MTSS1: variants seen among roughly 807,000 people sequenced by gnomAD.
MTSS1 encodes the protein MTSS I-BAR domain containing 1.
A neutral mutation model predicts 79.0 loss-of-function variants in MTSS1; 18 were observed. That is an observed-to-expected ratio of 0.23 (90% CI 0.16 to 0.34). The LOEUF is 0.34. MTSS1 is among the 10% of genes least tolerant of loss of function. The pLI, the probability that MTSS1 is intolerant of heterozygous loss-of-function variation, is 1.00. For synonymous variants in MTSS1, 341 were observed against 368.6 expected (o/e 0.93, Z 0.86); for missense variants, 815 against 986.2 (o/e 0.83, Z 2.33).
rs1374802769 is a variant in MTSS1 at position 124,579,100 on chromosome 8, A to G, written c.460+5987T>C. Among the ~76,000 whole-genome samples the G allele has an allele frequency of 4.6e-5, 7 of 152,188 alleles. No homozygotes were observed. In the East Asian group the frequency reaches 1.3e-3, roughly 29 times the overall value. ...GATAAGCAGAATCTTTAGAACTTAC[A>G]AAGTCAAAAGGCTATACAGTTTCTT... is the stretch of plus-strand genomic sequence containing the variant. On this transcript the variant is annotated intron_variant, in intron 6 of 13. Coordinates refer to ENST00000518547, the MANE Select transcript of MTSS1 (RefSeq NM_014751.6).
chr8:124,725,915 G>C (rs1456593140), intron 1 of MTSS1, among the ~76,000 whole-genome samples: 1 of 151,848 alleles, frequency 6.6e-6, no homozygotes, highest in African/African-American at 2.4e-5. Flanking sequence ...AAACTCTGCA[G>C]AACCCAAGGC....
Position 124,565,692 on chromosome 8 carries a change from G to T in MTSS1, c.794C>A (p.Thr265Asn), listed in dbSNP as rs760032974. 1.2e-6 allele frequency: 2 copies of T among 1,614,148 alleles called. No homozygotes were observed. The highest frequency in any genetic ancestry group is 2.2e-5 in the South Asian group (2 of 91,080). The stretch of plus-strand genomic sequence containing the variant: ...GACACTGGACTTTCTGGACATGGTG[G>T]TGCTGGGGGAAGAGGGTGGCGTCTG... ...SYQTPPSSPS[T>N]TMSRKSSVCS... is the part of the protein sequence containing the mutation. The change falls in exon 9 of 14, where the codon ACC becomes AAC. Residue 265 changes from threonine to asparagine, a missense_variant. Thr to Asn is a moderately conservative substitution (Grantham distance 65). Transcript: ENST00000518547.
intron 3 of MTSS1, among the ~76,000 whole-genome samples, chr8:124,642,662 G>A (rs1484737298): frequency 4.6e-5 from 7 of 151,670 alleles, no homozygotes; most frequent in Non-Finnish European, 7.4e-5. Flanking sequence ...GCATGATCTC[G>A]GCTCACTGCA....
intron 3 of MTSS1, among the ~76,000 whole-genome samples, chr8:124,687,482 C>T (rs1827174998): frequency 6.6e-6 from 1 of 152,186 alleles, no homozygotes; most frequent in South Asian, 2.1e-4. Context: ...AGTGGCAAAT[C>T]AAGGGCTGAA....
chr8:124,627,435 C>T (rs919543), intron 3 of MTSS1, among the ~76,000 whole-genome samples: 13,021 of 152,270 alleles, frequency 0.086, 1,112 homozygotes, highest in African/African-American at 0.21. Flanking sequence ...AAGGCTCACG[C>T]AGGTTAAGTT....
At chr8:124,713,743 A>G (rs1328071384) in intron 1 of MTSS1, among the ~76,000 whole-genome samples, 2 of 152,012 alleles carry the variant, frequency 1.3e-5, no homozygotes, top group East Asian at 3.9e-4. Flanking sequence ...GTTTTGAGAC[A>G]GGGTCTCACT....
chr8:124,555,755 G>A lies in MTSS1; in HGVS notation c.1554C>T (p.Thr518=). Reference sequence around the variant, plus strand: ...GCTGCCTCGTACCTTGGGAAGGGATGGTGTCCTCAGAGCAGCAGGGGGTGG... The same window carrying A: ...GCTGCCTCGTACCTTGGGAAGGGATAGTGTCCTCAGAGCAGCAGGGGGTGG... ...QTTTPCCSED[T]IPSQVSDYDY... is the part of the protein sequence containing the mutation. Residue 518 remains threonine, a synonymous_variant, in exon 13 of 14, where the codon ACC becomes ACT. Transcript: ENST00000518547. 2 of 1,611,056 alleles carry A rather than the reference G, an allele frequency of 1.2e-6. No homozygotes were observed. The highest frequency in any genetic ancestry group is 2.2e-5 in the South Asian group (2 of 90,442).
intron 12 of MTSS1, 48 bp downstream of exon 12, chr8:124,556,184 A>G: frequency 6.2e-7 from 1 of 1,613,042 alleles, no homozygotes; most frequent in Non-Finnish European, 8.5e-7. Context: ...TGTGATCCCC[A>G]GCCAGGCTGA....
At chr8:124,712,491 T>G (rs1831317747) in intron 1 of MTSS1, among the ~76,000 whole-genome samples, 1 of 152,162 alleles carries the variant, frequency 6.6e-6, no homozygotes, top group South Asian at 2.1e-4. Context: ...AGTGGGCGTG[T>G]GGGATGACAG....
intron 11 of MTSS1, 153 bp from the exon 12 acceptor site, chr8:124,556,558 A>G: frequency 1.2e-6 from 1 of 809,312 alleles, no homozygotes; most frequent in Admixed American, 3.0e-5. Context: ...TGCCCTCTCC[A>G]GGCTCTAAAG....
chr8:124,600,719 G>T (rs1833641481), intron 3 of MTSS1, among the ~76,000 whole-genome samples: 1 of 152,200 alleles, frequency 6.6e-6, no homozygotes. Context: ...CTTTCTCTAA[G>T]GAGCTGGCAA....
chr8:124,557,362 T>A (rs1253386983), intron 11 of MTSS1, among the ~76,000 whole-genome samples: 1 of 152,148 alleles, frequency 6.6e-6, no homozygotes, highest in Non-Finnish European at 1.5e-5. Context: ...GATTTCAACT[T>A]GATGCAAAAC....
chr8:124,623,879 G>A (rs1203662998), intron 3 of MTSS1, among the ~76,000 whole-genome samples: 3 of 152,194 alleles, frequency 2.0e-5, no homozygotes, highest in Admixed American at 6.5e-5. Context: ...CCTGACCTCC[G>A]GTGATCCGCC....
intron 3 of MTSS1, among the ~76,000 whole-genome samples, chr8:124,596,571 C>T (rs1013183672): frequency 6.6e-6 from 1 of 152,226 alleles, no homozygotes; most frequent in South Asian, 2.1e-4. Flanking sequence ...CATATGAAGA[C>T]ACACGATCCA....
chr8:124,680,502 T>A (rs1356992916), intron 3 of MTSS1, among the ~76,000 whole-genome samples: 1 of 151,874 alleles, frequency 6.6e-6, no homozygotes, highest in Non-Finnish European at 1.5e-5. Flanking sequence ...AAGGAAAAGG[T>A]GGAAAGGATT....
chr8:124,680,804 C>G (rs1826006118), intron 3 of MTSS1, among the ~76,000 whole-genome samples: 1 of 152,138 alleles, frequency 6.6e-6, no homozygotes, highest in African/African-American at 2.4e-5. Context: ...TTAGGCAAAA[C>G]AGGTAAGGCT....
At chr8:124,595,035 C>G (rs12335318) in intron 3 of MTSS1, among the ~76,000 whole-genome samples, 1 of 152,090 alleles carries the variant, frequency 6.6e-6, no homozygotes, top group African/African-American at 2.4e-5. Flanking sequence ...TCTGTGTTCT[C>G]GGTACCTAGC....
intron 3 of MTSS1, among the ~76,000 whole-genome samples, chr8:124,689,728 G>A (rs1460807287): frequency 1.5e-5 from 2 of 136,364 alleles, no homozygotes; most frequent in African/African-American, 2.8e-5. Flanking sequence ...CCTGGGCAAC[G>A]AGAGTGAAAC....
chr8:124,612,692 G>A (rs1392882343), intron 3 of MTSS1, among the ~76,000 whole-genome samples: 1 of 150,528 alleles, frequency 6.6e-6, no homozygotes, highest in East Asian at 2.0e-4. Flanking sequence ...TGAACCTAAC[G>A]GCAGGGACAG....
Sources: allele counts gnomAD v4.1 joint callset (sites outside exome capture counted in the v4.1 genomes callset), GRCh38; gene constraint gnomAD v4.1.1; transcripts MANE v1.5; gene names NCBI Gene and HGNC (gene_info 2026-07-23, HGNC 2026-07-21).